OLFM2: variants seen among roughly 807,000 people sequenced by gnomAD.
OLFM2 encodes the protein noelin-2.
OLFM2 carries 20 observed loss-of-function variants against 43.9 expected under a neutral mutation model. That is an observed-to-expected ratio of 0.46 (90% CI 0.32 to 0.66). OLFM2 has a LOEUF of 0.66. Ranked by LOEUF, OLFM2 falls within the 30% of genes least tolerant of loss-of-function variation. The pLI, the probability that OLFM2 is intolerant of heterozygous loss-of-function variation, is 0.04. For missense variants in OLFM2, 416 were observed against 643.6 expected (o/e 0.65, Z 3.83); for synonymous variants, 268 against 278.6 (o/e 0.96, Z 0.38).
intron 1 of OLFM2, among the ~76,000 whole-genome samples, chr19:9,907,742 G>A (rs1341376839): frequency 6.6e-6 from 1 of 151,914 alleles, no homozygotes; most frequent in East Asian, 1.9e-4. Flanking sequence ...GGTGGCTTAT[G>A]CCTGTAATCC....
chr19:9,932,717 A>G (rs1224813339), intron 1 of OLFM2, among the ~76,000 whole-genome samples: 2 of 152,166 alleles, frequency 1.3e-5, no homozygotes, highest in Non-Finnish European at 2.9e-5. Flanking sequence ...GCCCCAGGAA[A>G]GAGTTGGTCC....
chr19:9,881,311 G>A (rs371088218), intron 1 of OLFM2, among the ~76,000 whole-genome samples: 6 of 152,148 alleles, frequency 3.9e-5, no homozygotes, highest in Non-Finnish European at 8.8e-5. Flanking sequence ...AAGGAACTAT[G>A]CTTTTTCCTG....
intron 1 of OLFM2, among the ~76,000 whole-genome samples, chr19:9,882,000 C>T (rs574969411): frequency 2.0e-5 from 3 of 152,036 alleles, no homozygotes; most frequent in African/African-American, 7.2e-5. Context: ...GGGAGGAGGC[C>T]GAGGCGGGTG....
In OLFM2 at chr19:9,854,417, A is replaced by G. The variant is rs1408688612; in HGVS notation, c.1134T>C (p.Gly378=). 1.7e-5 allele frequency: 27 copies of G among 1,614,052 alleles called. No individual in the cohort carries two copies. Among genetic ancestry groups the G allele is most frequent in the Non-Finnish European group, 2.3e-5 (27 of 1,180,044 alleles). ...RSAGEAFMIC[G]VLYVTNSHLA... ...GGTGGGAGTTGGTCACGTAGAGCAC[A>G]CCGCAGATCATGAAGGCCTCGCCAG... is the stretch of plus-strand genomic sequence containing the variant. The change falls in exon 6 of 6, where the codon GGT becomes GGC. Residue 378 remains glycine, a synonymous_variant. Coordinates refer to ENST00000264833, the MANE Select transcript of OLFM2 (RefSeq NM_058164.4). This position sits in a 1 kb window ranked among gnomAD's most constrained non-coding sequence, Gnocchi z 9.5.
At position 9,854,270 on chromosome 19, in the gene OLFM2, G is replaced by A. The variant is rs11556088; in HGVS notation, c.1281C>T (p.Arg427=). The change falls in exon 6 of 6, where the codon CGC becomes CGT. Residue 427 remains arginine (R), a synonymous_variant. Transcript: ENST00000264833. This position sits in a 1 kb window ranked among gnomAD's most constrained non-coding sequence, Gnocchi z 9.5. ...ISMLDYNPRE[R]ALYTWNNGHQ... is the part of the protein sequence containing the mutation. Reference sequence around the variant, plus strand: ...GGCCGTTGTTCCAGGTATAGAGGGCGCGCTCCCGGGGGTTGTAATCCAGCA... The same window carrying A: ...GGCCGTTGTTCCAGGTATAGAGGGCACGCTCCCGGGGGTTGTAATCCAGCA... 0.12 allele frequency: 189,388 copies of A among 1,613,892 alleles called. 11,807 individuals carry two copies. Among genetic ancestry groups the A allele is most frequent in the Middle Eastern group, 0.16 (977 of 6,062 alleles).
At chr19:9,919,657 T>C (rs2086407619) in intron 1 of OLFM2, among the ~76,000 whole-genome samples, 1 of 151,032 alleles carries the variant, frequency 6.6e-6, no homozygotes, top group South Asian at 2.1e-4. Context: ...AGTTTTTGTA[T>C]TTTTAGTAGA....
rs767902200 is a variant in OLFM2 at position 9,854,880 on chromosome 19, T to C, written c.688-17A>G. 22 of 1,546,920 alleles carry C rather than the reference T, an allele frequency of 1.4e-5. No homozygotes were observed. Among genetic ancestry groups the C allele is most frequent in the Middle Eastern group, 1.8e-4 (1 of 5,642 alleles). On this transcript the variant is annotated splice_polypyrimidine_tract_variant and intron_variant, in intron 5 of 5. Coordinates refer to ENST00000264833, the MANE Select transcript of OLFM2 (RefSeq NM_058164.4). The surrounding 1 kb of genome is among the most constrained non-coding windows in gnomAD (Gnocchi z 9.5). ...GTACCAGACCTATGGTAGCAGCCGC[T>C]GGTCACTGGGGGGAACCACCACCAA...
In OLFM2 at chr19:9,917,283, C is replaced by T. The variant is rs563997003; in HGVS notation, c.63+19021G>A. 1.0e-3 allele frequency among the ~76,000 whole-genome samples: 154 copies of T among 152,286 alleles called. 1 individual carries two copies. The highest frequency in any genetic ancestry group is 3.6e-3 in the African/African-American group (151 of 41,558). On this transcript the variant is annotated intron_variant, in intron 1 of 5. Coordinates refer to ENST00000264833, the MANE Select transcript of OLFM2 (RefSeq NM_058164.4). ...CTAACTCCTAGGCTCAAGCTATTCT[C>T]CTGCCTCAGCCTCCCAAGTAGCTGG...
At chr19:9,927,905 T>C (rs531638247) in intron 1 of OLFM2, among the ~76,000 whole-genome samples, 2 of 149,860 alleles carry the variant, frequency 1.3e-5, no homozygotes, top group African/African-American at 4.9e-5. Flanking sequence ...CTACTAAAAA[T>C]ACAAAAATTA....
Position 9,869,538 on chromosome 19 carries a change from A to G in OLFM2, c.64-8744T>C, listed in dbSNP as rs553026482. Among the ~76,000 whole-genome samples the G allele has an allele frequency of 1.2e-4, 19 of 152,334 alleles. No homozygotes were observed. In the South Asian group the frequency reaches 3.5e-3, roughly 28 times the overall value. The stretch of plus-strand genomic sequence containing the variant: ...TTCTCTGGGTTGCTAGGAGGATCAA[A>G]TGAGTTCATAATATATATAAGAGCA... On this transcript the variant is annotated intron_variant, in intron 1 of 5. Coordinates refer to ENST00000264833, the MANE Select transcript of OLFM2 (RefSeq NM_058164.4).
intron 1 of OLFM2, among the ~76,000 whole-genome samples, chr19:9,901,984 G>A (rs934350882): frequency 8.6e-5 from 13 of 151,984 alleles, no homozygotes; most frequent in African/African-American, 2.4e-4. Flanking sequence ...TGTACAATTC[G>A]TGAGCCCACA....
At chr19:9,888,668 C>T (rs183600775) in intron 1 of OLFM2, among the ~76,000 whole-genome samples, 20 of 152,328 alleles carry the variant, frequency 1.3e-4, no homozygotes, top group African/African-American at 4.3e-4. Flanking sequence ...TCTTCCCCTC[C>T]AGAACGTCAG....
chr19:9,931,097 C>A (rs1163720337), intron 1 of OLFM2, among the ~76,000 whole-genome samples: 2 of 152,150 alleles, frequency 1.3e-5, no homozygotes, highest in African/African-American at 2.4e-5. Flanking sequence ...GGGGCTCTTT[C>A]CTACACTAAC....
chr19:9,860,346 A>C (rs1168945182), intron 2 of OLFM2, among the ~76,000 whole-genome samples: 1 of 151,662 alleles, frequency 6.6e-6, no homozygotes, highest in African/African-American at 2.4e-5. Flanking sequence ...ATGGTGGTGC[A>C]TGTCTGTAGT....
intron 1 of OLFM2, among the ~76,000 whole-genome samples, chr19:9,872,143 A>G (rs2046447636): frequency 6.6e-6 from 1 of 152,166 alleles, no homozygotes; most frequent in South Asian, 2.1e-4. Context: ...AAAGCTTGAG[A>G]TAATAGCAGC....
chr19:9,905,092 C>A (rs1033503044), intron 1 of OLFM2, among the ~76,000 whole-genome samples: 3 of 151,828 alleles, frequency 2.0e-5, no homozygotes, highest in Admixed American at 2.0e-4. Flanking sequence ...GAGGCCAAGG[C>A]GGGTGGACTG....
chr19:9,925,699 G>T (rs981648527), intron 1 of OLFM2, among the ~76,000 whole-genome samples: 5 of 151,846 alleles, frequency 3.3e-5, no homozygotes, highest in African/African-American at 1.2e-4. Context: ...CCTCCCAATT[G>T]CTGGGATTAC....
rs541770495 is a variant in OLFM2, at chr19:9,897,013, G to A, written c.64-36219C>T. Among the ~76,000 whole-genome samples, 29 of 152,154 alleles carry A rather than the reference G, an allele frequency of 1.9e-4. 1 individual carries two copies. In the East Asian group the frequency reaches 4.8e-3, roughly 25 times the overall value. On this transcript the variant is annotated intron_variant, in intron 1 of 5. Coordinates refer to ENST00000264833, the MANE Select transcript of OLFM2 (RefSeq NM_058164.4). The stretch of plus-strand genomic sequence containing the variant: ...TCAAGACCAGCCCGGGCAACATAGC[G>A]AGACCCTGTCTCTACAAAAAATTAG...
chr19:9,927,506 C>A (rs1483480880), intron 1 of OLFM2, among the ~76,000 whole-genome samples: 1 of 152,140 alleles, frequency 6.6e-6, no homozygotes, highest in Non-Finnish European at 1.5e-5. Context: ...CCCACCAGGT[C>A]TTGTCAGCAT....
Sources: gnomAD v4.1 joint callset for allele counts (sites outside exome capture counted in the v4.1 genomes callset) on GRCh38, gnomAD v4.1.1 for gene constraint, Gnocchi (gnomAD v3.1) non-coding constraint, MANE v1.5 for transcripts, NCBI Gene and HGNC (gene_info 2026-07-23, HGNC 2026-07-21) for gene names.